FAH: variants seen among roughly 807,000 people sequenced by gnomAD.
The protein encoded by FAH is fumarylacetoacetate hydrolase.
Under a neutral mutation model 55.8 loss-of-function variants are expected in FAH, and 47 were observed. That is an observed-to-expected ratio of 0.84 (90% confidence interval 0.67 to 1.07). The LOEUF (loss-of-function observed/expected upper bound fraction) is 1.07, where lower values mean the gene tolerates loss of function less well. Among genes scored for constraint, FAH ranks in the 50% least tolerant of loss-of-function variants. The pLI is 0.00. For missense variants in FAH, 495 were observed against 545.9 expected (o/e 0.91, Z 0.93); for synonymous variants, 199 against 207.7 (o/e 0.96, Z 0.36).
chr15:80,153,171 GGGAGT>G (rs57837512), intron 1 of FAH, 36 bp downstream of exon 1: 269,131 of 1,237,740 alleles, frequency 0.22, 42,903 homozygotes, highest in Middle Eastern at 0.24. Flanking sequence ...GGCGCGGGGA[GGGAGT>G]GGAGTGGAGT....
At chr15:80,179,621 A>G (rs545694747) in intron 11 of FAH, among the ~76,000 whole-genome samples, 4 of 152,074 alleles carry the variant, frequency 2.6e-5, no homozygotes, top group African/African-American at 9.6e-5. Context: ...CTGCCCTGAC[A>G]TCGTGTTTGA....
At position 80,160,399 on chromosome 15, in the gene FAH, C is replaced by T. The variant is rs746104822; in HGVS notation, c.315-11C>T. On this transcript the variant is annotated splice_polypyrimidine_tract_variant and intron_variant, in intron 3 of 13. Coordinates refer to ENST00000561421, the MANE Select transcript of FAH (RefSeq NM_000137.4). ...CTACTTGACTTTGAAGCCCCTGGTT[C>T]TGTGTTTCAGTGCATTCATCTCCCA... The T allele has an allele frequency of 7.4e-6, 12 of 1,614,080 alleles. No individual in the cohort carries two copies. The Admixed American group carries it at 2.0e-4, about 27-fold the overall frequency.
intron 4 of FAH, among the ~76,000 whole-genome samples, chr15:80,160,882 T>C (rs1277104841): frequency 2.6e-5 from 4 of 152,200 alleles, no homozygotes; most frequent in Non-Finnish European, 5.9e-5. Flanking sequence ...GTTGGAGCTG[T>C]TGAAACTCTC....
intron 9 of FAH, chr15:80,173,554 G>C: frequency 1.1e-5 from 4 of 351,238 alleles, no homozygotes; most frequent in South Asian, 8.9e-5. Flanking sequence ...CAGCAACAGG[G>C]AGTCCCTGCA....
In FAH at chr15:80,164,600, G is replaced by A. The variant is rs139585531; in HGVS notation, c.455+2264G>A. Among the ~76,000 whole-genome samples the A allele has an allele frequency of 3.4e-3, 520 of 152,114 alleles. 1 individual carries two copies. Among genetic ancestry groups the A allele is most frequent in the Middle Eastern group, 6.8e-3 (2 of 294 alleles). ...TATGCATACATTAGTTCCATAGGCC[G>A]GTATGAGCATAGAGAAAGGCAAAAA... On this transcript the variant is annotated intron_variant, in intron 5 of 13. Transcript: ENST00000561421.
intron 9 of FAH, among the ~76,000 whole-genome samples, chr15:80,174,099 C>G (rs1056507609): frequency 2.6e-5 from 4 of 152,178 alleles, no homozygotes; most frequent in African/African-American, 7.2e-5. Context: ...ATCCCTTGCT[C>G]TCTCCTCGCT....
In FAH at chr15:80,168,083, GCCT is replaced by G; in HGVS notation, c.492_494del (p.Ser165del). On this transcript the variant is annotated inframe_deletion, in exon 6 of 14. Transcript: ENST00000561421. ...CTTACCAGTGGGCTACCATGGCCGTGCCTCCTCTGTCGTGGTGTCTGGCACCCC... is the reference window on the plus strand; with the variant it reads ...CTTACCAGTGGGCTACCATGGCCGTGCCTCTGTCGTGGTGTCTGGCACCCC... 6.2e-7 allele frequency: 1 copy of G among 1,614,110 alleles called. No homozygotes were observed. The highest frequency in any genetic ancestry group is 8.5e-7 in the Non-Finnish European group (1 of 1,180,024).
In FAH at chr15:80,159,885, G is replaced by A; in HGVS notation, c.314+8G>A. ...CACCGAACTTCGGAAGTGGTGAGAA[G>A]CACGTGGTCATAGGGGGGATGAGGG... On this transcript the variant is annotated splice_region_variant and intron_variant, in intron 3 of 13. Coordinates refer to ENST00000561421, the MANE Select transcript of FAH (RefSeq NM_000137.4). The A allele has an allele frequency of 5.0e-6, 8 of 1,614,074 alleles. No homozygotes were observed. Among genetic ancestry groups the A allele is most frequent in the Non-Finnish European group, 6.8e-6 (8 of 1,179,980 alleles).
At chr15:80,156,581 T>A (rs2041102702) in intron 1 of FAH, 1 of 152,340 alleles carries the variant, frequency 6.6e-6, no homozygotes, top group South Asian at 2.1e-4. Context: ...TGCACATTCA[T>A]TCTCTTGAAG....
intron 12 of FAH, 160 bp downstream of exon 12, chr15:80,180,385 A>T: frequency 1.5e-6 from 1 of 651,186 alleles, no homozygotes; most frequent in Non-Finnish European, 2.8e-6. Context: ...TGGGTGCAGG[A>T]GGGACTTCTC....
chr15:80,162,374 C>T, intron 5 of FAH, 38 bp downstream of exon 5: 1 of 1,539,314 alleles, frequency 6.5e-7, no homozygotes. Context: ...AGTTCAAAGT[C>T]TTTCTTTTCA....
chr15:80,183,855 C>G (rs1348252723), intron 13 of FAH, among the ~76,000 whole-genome samples: 2 of 152,164 alleles, frequency 1.3e-5, no homozygotes, highest in African/African-American at 4.8e-5. Context: ...CATACTTACC[C>G]AGGATCACAC....
At position 80,168,148 on chromosome 15, in the gene FAH, CTG is replaced by C. The variant is rs1555441272; in HGVS notation, c.553+2_553+3del. ...CCATGGGACAGATGAAACCTGATGA[CTG>C]TGAGTGACCGCAGCGTCCAGGCCTT... On this transcript the variant is annotated splice_donor_variant and coding_sequence_variant, in exon 6 of 14. Coordinates refer to ENST00000561421, the MANE Select transcript of FAH (RefSeq NM_000137.4). LOFTEE classifies it high-confidence loss of function. 6.2e-7 allele frequency: 1 copy of C among 1,613,710 alleles called. No homozygotes were observed. Among genetic ancestry groups the C allele is most frequent in the African/African-American group, 1.3e-5 (1 of 74,896 alleles).
chr15:80,155,916 C>G (rs1036191366), intron 1 of FAH: 4 of 478,540 alleles, frequency 8.4e-6, no homozygotes, highest in African/African-American at 7.9e-5. Context: ...CCGCTATCTA[C>G]TACAAACTTC....
rs747805147 is a variant in FAH, at chr15:80,181,182, GCTCGTCTTC to G, written c.1180+27_1180+35del. On this transcript the variant is annotated intron_variant, in intron 13 of 13. Coordinates refer to ENST00000561421, the MANE Select transcript of FAH (RefSeq NM_000137.4). The stretch of plus-strand genomic sequence containing the variant: ...CAGGTGAGGGCTGCCAAACCCAGCA[GCTCGTCTTC>G]CTCCTTGCCCGCCATGCACTGTTCT... 8.5e-6 allele frequency: 13 copies of G among 1,530,290 alleles called. No homozygotes were observed. The African/African-American group carries it at 1.8e-4, about 21-fold the overall frequency. The allele number at this position is 1,530,290 out of a possible 1,614,324, so 94.8% of individuals were successfully genotyped here.
In FAH at chr15:80,158,174, G is replaced by T; in HGVS notation, c.192+4G>T. 6.2e-7 allele frequency: 1 copy of T among 1,602,334 alleles called. No individual in the cohort carries two copies. The highest frequency in any genetic ancestry group is 8.6e-7 in the Non-Finnish European group (1 of 1,169,156). On this transcript the variant is annotated splice_donor_region_variant and intron_variant, in intron 2 of 13. Coordinates refer to ENST00000561421, the MANE Select transcript of FAH (RefSeq NM_000137.4). ...ACACCAGGATGTCTTCAATCAGGTA[G>T]GACATTGTGAAACGACTTGTCCCTG...
chr15:80,160,506 G>A, intron 4 of FAH, 47 bp downstream of exon 4: 3 of 1,581,388 alleles, frequency 1.9e-6, no homozygotes, highest in South Asian at 2.2e-5. Context: ...AGCTTCGTGG[G>A]CCAAGAGGGC....
chr15:80,180,035 C>T (rs1030981920), intron 11 of FAH, 89 bp from the exon 12 acceptor site: 16 of 974,326 alleles, frequency 1.6e-5, no homozygotes, highest in South Asian at 5.3e-5. Context: ...GGAAGGCGGT[C>T]GTGAGCAGGG....
At chr15:80,164,654 C>T (rs2041176962) in intron 5 of FAH, among the ~76,000 whole-genome samples, 2 of 152,188 alleles carry the variant, frequency 1.3e-5, no homozygotes, top group Admixed American at 6.5e-5. Flanking sequence ...ACATTGCTTT[C>T]CTCAGGGGAG....
Sources: gnomAD v4.1 joint callset for allele counts (sites outside exome capture counted in the v4.1 genomes callset) on GRCh38, gnomAD v4.1.1 for gene constraint, MANE v1.5 for transcripts, NCBI Gene and HGNC (gene_info 2026-07-23, HGNC 2026-07-21) for gene names.